URGCP: variants seen among roughly 807,000 people sequenced by gnomAD.
The protein encoded by URGCP is upregulator of cell proliferation.
A neutral mutation model predicts 24.6 loss-of-function variants in URGCP; 13 were observed. The ratio of observed to expected loss-of-function variants is 0.53; its 90% CI spans 0.34 to 0.84. URGCP has a LOEUF of 0.84. Among genes scored for constraint, URGCP ranks in the 40% least tolerant of loss-of-function variants. The probability of loss-of-function intolerance (pLI) is 0.01; values close to 1 mark genes in which losing one functional copy is unlikely to be tolerated. For missense variants in URGCP, 899 were observed against 1,194.3 expected, an observed-to-expected ratio of 0.75 and a Z score of 3.64; for synonymous variants, 444 against 487.2, an observed-to-expected ratio of 0.91 and a Z score of 1.17.
chr7:43,906,503 TC>T (rs1289076942), intron 1 of URGCP, 58 bp downstream of exon 1: 57 of 1,171,240 alleles, frequency 4.9e-5, no homozygotes, highest in Non-Finnish European at 5.7e-5. Flanking sequence ...CCGCTCCGGG[TC>T]CCGCTCCCGT....
In URGCP at chr7:43,876,642, A is replaced by G. The variant is rs1223136238; in HGVS notation, c.*25T>C. On this transcript the variant is annotated 3_prime_UTR_variant, in exon 6 of 6. Coordinates refer to ENST00000453200, the MANE Select transcript of URGCP (RefSeq NM_001077663.3). ...AGGGCTGCCCACAGCAGCCTCCTAC[A>G]CCTGAACTGGGTTTCTCTGCACACT... The G allele has an allele frequency of 1.2e-6, 2 of 1,604,116 alleles. No homozygotes were observed. Among genetic ancestry groups the G allele is most frequent in the Admixed American group, 1.7e-5 (1 of 59,442 alleles).
At chr7:43,918,594 T>G in intron 1 of URGCP, 1 of 469,032 alleles carries the variant, frequency 2.1e-6, no homozygotes. Context: ...AAAATAGGAT[T>G]TTCTTAAAGA....
intron 1 of URGCP, among the ~76,000 whole-genome samples, chr7:43,895,702 T>C (rs10248914): frequency 0.072 from 11,013 of 152,164 alleles, 512 homozygotes; most frequent in East Asian, 0.13. Flanking sequence ...AAACCAATGC[T>C]GGTAAGGATG....
At chr7:43,900,543 C>A (rs1218833560) in intron 1 of URGCP, among the ~76,000 whole-genome samples, 1 of 151,914 alleles carries the variant, frequency 6.6e-6, no homozygotes, top group Non-Finnish European at 1.5e-5. Context: ...CACATCTGAC[C>A]TACAGTGAGA....
intron 3 of URGCP, among the ~76,000 whole-genome samples, chr7:43,882,616 A>G (rs2095855728): frequency 6.6e-6 from 1 of 152,020 alleles, no homozygotes; most frequent in Non-Finnish European, 1.5e-5. Flanking sequence ...TCAAAAAAAA[A>G]AAACACCAAA....
In URGCP at chr7:43,876,127, G is replaced by A; in HGVS notation, c.*540C>T. The A allele has an allele frequency of 6.3e-6, 1 of 159,946 alleles. No homozygotes were observed. The highest frequency in any genetic ancestry group is 5.9e-5 in the Admixed American group (1 of 16,928). The allele number at this position is 159,946 out of a possible 1,614,324, so 9.9% of individuals were successfully genotyped here. ...GCGACCAGTGAACTCTTCCTGGGCA[G>A]GGGTCAGGGAAGCCTTCACAGATCA... On this transcript the variant is annotated 3_prime_UTR_variant, in exon 6 of 6. Coordinates refer to ENST00000453200, the MANE Select transcript of URGCP (RefSeq NM_001077663.3).
intron 5 of URGCP, among the ~76,000 whole-genome samples, chr7:43,880,664 C>T (rs2095852448): frequency 6.6e-6 from 1 of 152,232 alleles, no homozygotes; most frequent in South Asian, 2.1e-4. Flanking sequence ...GTCTTGAACT[C>T]TCTGGCTCAA....
chr7:43,920,606 TTC>T (rs1257861429), intron 1 of URGCP, among the ~76,000 whole-genome samples: 1 of 152,208 alleles, frequency 6.6e-6, no homozygotes, highest in African/African-American at 2.4e-5. Flanking sequence ...CTTTATGTTT[TTC>T]TCTTTTTGGA....
At chr7:43,900,248 G>A (rs1021656989) in intron 1 of URGCP, among the ~76,000 whole-genome samples, 23 of 150,422 alleles carry the variant, frequency 1.5e-4, no homozygotes, top group East Asian at 4.0e-4. Flanking sequence ...TAAGGTCAGC[G>A]GTTCGAGACC....
intron 1 of URGCP, among the ~76,000 whole-genome samples, chr7:43,924,290 G>A (rs1351025990): frequency 6.6e-6 from 1 of 152,120 alleles, no homozygotes; most frequent in Non-Finnish European, 1.5e-5. Flanking sequence ...TACCAACAGG[G>A]AATAGAAACA....
rs542974573 is a variant in URGCP at position 43,877,391 on chromosome 7, C to G, written c.2072G>C (p.Arg691Thr). Residue 691 changes from arginine to threonine, a missense_variant, in exon 6 of 6, where the codon AGG (arginine) becomes ACG (threonine). By Grantham distance (71) the Arg-to-Thr change is moderately conservative. Coordinates refer to ENST00000453200, the MANE Select transcript of URGCP (RefSeq NM_001077663.3). Reference protein sequence around the residue: ...ELHVRLERRSRLVVLSTVGVP... With the variant: ...ELHVRLERRSTLVVLSTVGVP... ...CCCGACGGTTGACAGAACCACCAGC[C>G]TTGACCGTCTCTCCAGTCGGACGTG... The G allele has an allele frequency of 1.2e-6, 2 of 1,613,236 alleles. No homozygotes were observed. The highest frequency in any genetic ancestry group is 1.7e-5 in the Admixed American group (1 of 60,024).
At chr7:43,922,688 C>A (rs375650987) in intron 1 of URGCP, among the ~76,000 whole-genome samples, 1 of 152,082 alleles carries the variant, frequency 6.6e-6, no homozygotes, top group Non-Finnish European at 1.5e-5. Flanking sequence ...TACAGGCATG[C>A]GCCACCATGC....
At position 43,879,021 on chromosome 7, in the gene URGCP, C is replaced by T. The variant is rs1417429716; in HGVS notation, c.442G>A (p.Glu148Lys). The change falls in exon 6 of 6, where the codon GAG becomes AAG. Residue 148 changes from glutamate (E) to lysine (K), a missense_variant. Transcript: ENST00000453200. ...ATGATCTCCTCTTCCATCTGGCTCT[C>T]CTTCTCCACAGGCCTGGCGTCTGGG... is the stretch of plus-strand genomic sequence containing the variant. ...VLPDARPVEK[E>K]SQMEEEIIYW... 1 of 1,614,212 alleles carries T rather than the reference C, an allele frequency of 6.2e-7. No homozygotes were observed. The highest frequency in any genetic ancestry group is 1.1e-5 in the South Asian group (1 of 91,088).
In URGCP at chr7:43,890,028, C is replaced by T. The variant is rs568489312; in HGVS notation, c.15-2212G>A. Reference sequence around the variant, plus strand: ...CATGCAATTCTCCTGCCTCAGCCTCCCAAGTAGCTGGGATTACAGGCATGC... The same window carrying T: ...CATGCAATTCTCCTGCCTCAGCCTCTCAAGTAGCTGGGATTACAGGCATGC... On this transcript the variant is annotated intron_variant, in intron 1 of 5. Coordinates refer to ENST00000453200, the MANE Select transcript of URGCP (RefSeq NM_001077663.3). 7.2e-5 allele frequency among the ~76,000 whole-genome samples: 11 copies of T among 151,978 alleles called. 1 individual carries two copies. The highest frequency in any genetic ancestry group is 3.4e-3 in the Middle Eastern group (1 of 294).
At chr7:43,915,526 C>T (rs769147944) in intron 1 of URGCP, among the ~76,000 whole-genome samples, 4 of 152,200 alleles carry the variant, frequency 2.6e-5, no homozygotes, top group African/African-American at 4.8e-5. Flanking sequence ...ACCTCAATGG[C>T]TGCAGATGCA....
At chr7:43,921,756 A>G (rs1408621926) in intron 1 of URGCP, among the ~76,000 whole-genome samples, 1 of 152,268 alleles carries the variant, frequency 6.6e-6, no homozygotes, top group East Asian at 1.9e-4. Flanking sequence ...TTTAAATTAG[A>G]TAAGATAAAG....
At chr7:43,881,527 A>C (rs1174589796) in intron 5 of URGCP, 132 bp downstream of exon 5, 2 of 1,052,644 alleles carry the variant, frequency 1.9e-6, no homozygotes, top group Non-Finnish European at 2.8e-6. Context: ...TAAAGGGTTA[A>C]TGAAGTAGGG....
At chr7:43,894,224 T>C (rs10951744) in intron 1 of URGCP, among the ~76,000 whole-genome samples, 17,505 of 152,164 alleles carry the variant, frequency 0.12, 1,159 homozygotes, top group Admixed American at 0.18. Context: ...ATAGACCAAA[T>C]AGACCCAGAC....
rs79860993 is a variant in URGCP, at chr7:43,923,820, G to T, written c.-116+2312C>A. ...AGTTGGTATTGCTTGAAGCACAAAA[G>T]TTTTAAACTTTCATGTAGTCAAATT... On this transcript the variant is annotated intron_variant, in intron 1 of 5. Transcript: ENST00000426198. 1.4e-3 allele frequency among the ~76,000 whole-genome samples: 208 copies of T among 152,176 alleles called. 7 individuals are homozygous for T. The East Asian group carries it at 0.038, about 28-fold the overall frequency.
Sources: gnomAD v4.1 joint callset for allele counts (sites outside exome capture counted in the v4.1 genomes callset) on GRCh38, gnomAD v4.1.1 for gene constraint, MANE v1.5 for transcripts, NCBI Gene and HGNC (gene_info 2026-07-23, HGNC 2026-07-21) for gene names.